FAF1: variants seen among roughly 807,000 people sequenced by gnomAD.
FAF1 encodes FAS-associated factor 1.
FAF1 carries 25 observed loss-of-function variants against 92.5 expected under a neutral mutation model. The observed-to-expected ratio is 0.27, with a 90% CI of 0.20 to 0.38. The LOEUF (loss-of-function observed/expected upper bound fraction) is 0.38, where lower values mean the gene tolerates loss of function less well. Ranked by LOEUF, FAF1 falls within the 10% of genes least tolerant of loss-of-function variation. FAF1 has a pLI of 1.00. For missense variants in FAF1, 636 were observed against 793.3 expected (o/e 0.80, Z 2.38); for synonymous variants, 234 against 273.2 (o/e 0.86, Z 1.42).
At chr1:50,572,090 CATT>C (rs1650472021) in intron 12 of FAF1, among the ~76,000 whole-genome samples, 2 of 152,134 alleles carry the variant, frequency 1.3e-5, no homozygotes, top group South Asian at 4.1e-4. Context: ...TTTCCCTCAT[CATT>C]ATCATCAGTA....
intron 1 of FAF1, among the ~76,000 whole-genome samples, chr1:50,903,002 T>C (rs1644808556): frequency 6.6e-6 from 1 of 152,104 alleles, no homozygotes; most frequent in Non-Finnish European, 1.5e-5. Context: ...TCCTTCTCCT[T>C]ATTACTCTCC....
chr1:50,771,098 A>G (rs1431477310), intron 4 of FAF1, among the ~76,000 whole-genome samples: 1 of 152,216 alleles, frequency 6.6e-6, no homozygotes, highest in African/African-American at 2.4e-5. Context: ...TACAAAAATC[A>G]ACTTAAGATG....
intron 1 of FAF1, among the ~76,000 whole-genome samples, chr1:50,942,931 A>G (rs1645145223): frequency 6.6e-6 from 1 of 152,118 alleles, no homozygotes. Flanking sequence ...GTGGAGGGAG[A>G]AAGTATCTTT....
At chr1:50,453,821 G>A (rs553833824) in intron 18 of FAF1, among the ~76,000 whole-genome samples, 20 of 152,310 alleles carry the variant, frequency 1.3e-4, no homozygotes, top group East Asian at 3.9e-4. Flanking sequence ...TTCTTCATGC[G>A]TATTCCCTAT....
At chr1:50,840,910 G>A (rs72690500) in intron 2 of FAF1, among the ~76,000 whole-genome samples, 15 of 151,850 alleles carry the variant, frequency 9.9e-5, no homozygotes, top group Non-Finnish European at 1.6e-4. Flanking sequence ...AATACCACTC[G>A]GTCAAGAAAA....
chr1:50,746,433 A>C (rs957954029), intron 4 of FAF1, among the ~76,000 whole-genome samples: 5 of 147,492 alleles, frequency 3.4e-5, no homozygotes, highest in Non-Finnish European at 5.9e-5. Flanking sequence ...CCTCCCAAGT[A>C]GCTGGGATTA....
intron 5 of FAF1, among the ~76,000 whole-genome samples, chr1:50,741,928 G>C (rs1424080496): frequency 6.6e-6 from 1 of 152,172 alleles, no homozygotes; most frequent in Non-Finnish European, 1.5e-5. Context: ...ATTCAAAAAA[G>C]TATGAGCTGA....
chr1:50,489,943 T>C (rs1385527220), intron 17 of FAF1, among the ~76,000 whole-genome samples: 2 of 152,194 alleles, frequency 1.3e-5, no homozygotes, highest in African/African-American at 4.8e-5. Context: ...ATCATGAATC[T>C]AGTACAAGAT....
intron 12 of FAF1, among the ~76,000 whole-genome samples, chr1:50,576,521 A>G (rs1021949119): frequency 6.6e-6 from 1 of 152,112 alleles, no homozygotes; most frequent in Non-Finnish European, 1.5e-5. Flanking sequence ...GTTACTATAA[A>G]TGTCTAATGA....
At chr1:50,574,681 T>C (rs1433173807) in intron 12 of FAF1, among the ~76,000 whole-genome samples, 2 of 152,104 alleles carry the variant, frequency 1.3e-5, no homozygotes, top group South Asian at 2.1e-4. Context: ...TGACAGAGTA[T>C]AGCAGTAAAG....
chr1:50,711,520 A>C (rs1657930461), intron 6 of FAF1, among the ~76,000 whole-genome samples: 1 of 121,058 alleles, frequency 8.3e-6, no homozygotes, highest in Non-Finnish European at 1.6e-5. Flanking sequence ...CCCAGGCTGG[A>C]GTGCAATGGC....
At chr1:50,447,333 G>C (rs1646240958) in intron 18 of FAF1, among the ~76,000 whole-genome samples, 1 of 151,984 alleles carries the variant, frequency 6.6e-6, no homozygotes, top group East Asian at 1.9e-4. Flanking sequence ...CACCGTGTTA[G>C]CCAGGATGGT....
At chr1:50,926,154 T>C (rs1645004772) in intron 1 of FAF1, among the ~76,000 whole-genome samples, 1 of 152,028 alleles carries the variant, frequency 6.6e-6, no homozygotes, top group Admixed American at 6.6e-5. Context: ...GAGTTTAACA[T>C]TACTGAAGCA....
At chr1:50,702,895 A>G (rs1386975858) in intron 7 of FAF1, among the ~76,000 whole-genome samples, 1 of 152,118 alleles carries the variant, frequency 6.6e-6, no homozygotes, top group African/African-American at 2.4e-5. Flanking sequence ...GTTCTAATTA[A>G]AAGTTGAAAT....
At chr1:50,793,463 ATCAG>A (rs1661635810) in intron 3 of FAF1, among the ~76,000 whole-genome samples, 1 of 152,224 alleles carries the variant, frequency 6.6e-6, no homozygotes, top group Non-Finnish European at 1.5e-5. Context: ...AGTAAATTTG[ATCAG>A]TCAGTCAGTC....
At position 50,614,267 on chromosome 1, in the gene FAF1, A is replaced by T. The variant is rs532840802; in HGVS notation, c.745-18051T>A. 4.6e-5 allele frequency among the ~76,000 whole-genome samples: 7 copies of T among 152,304 alleles called. No individual in the cohort carries two copies. The East Asian group carries it at 1.4e-3, about 29-fold the overall frequency. On this transcript the variant is annotated intron_variant, in intron 8 of 18. Coordinates refer to ENST00000396153, the MANE Select transcript of FAF1 (RefSeq NM_007051.3). ...CATACCTGCAGCACTTATTTACGTC[A>T]ATGCCACAAATCTGAAAGCTGTGAA...
chr1:50,805,775 G>C (rs1662170575), intron 2 of FAF1, among the ~76,000 whole-genome samples: 1 of 152,246 alleles, frequency 6.6e-6, no homozygotes, highest in African/African-American at 2.4e-5. Context: ...ATGAGACAGG[G>C]ATGTAGAGAC....
intron 6 of FAF1, among the ~76,000 whole-genome samples, chr1:50,711,973 G>C (rs1345701532): frequency 6.6e-6 from 1 of 152,148 alleles, no homozygotes; most frequent in Non-Finnish European, 1.5e-5. Flanking sequence ...TCATTATGAA[G>C]TTATTATCAT....
At chr1:50,555,755 C>A (rs1649545151) in intron 13 of FAF1, among the ~76,000 whole-genome samples, 1 of 152,106 alleles carries the variant, frequency 6.6e-6, no homozygotes. Context: ...AGCAATCCCA[C>A]TACTGAGTAC....
Sources: gnomAD v4.1 joint callset for allele counts (sites outside exome capture counted in the v4.1 genomes callset) on GRCh38, gnomAD v4.1.1 for gene constraint, MANE v1.5 for transcripts, NCBI Gene and HGNC (gene_info 2026-07-23, HGNC 2026-07-21) for gene names.